DDX31: variants seen among roughly 807,000 people sequenced by gnomAD.
DDX31 encodes the protein ATP-dependent DNA helicase DDX31.
DDX31 carries 70 observed loss-of-function variants against 91.3 expected under a neutral mutation model. The observed-to-expected ratio is 0.77, with a 90% CI of 0.63 to 0.94. DDX31 has a LOEUF of 0.94. Ranked by LOEUF, DDX31 falls within the 40% of genes least tolerant of loss-of-function variation. The pLI, the probability that DDX31 is intolerant of heterozygous loss-of-function variation, is 0.00. For missense variants in DDX31, 902 were observed against 925.0 expected, an observed-to-expected ratio of 0.98 and a Z score of 0.32; for synonymous variants, 362 against 350.6, an observed-to-expected ratio of 1.03 and a Z score of -0.36.
intron 19 of DDX31, among the ~76,000 whole-genome samples, chr9:132,610,733 G>A (rs908224663): frequency 1.3e-5 from 2 of 152,196 alleles, no homozygotes; most frequent in South Asian, 2.1e-4. Flanking sequence ...CTCCCAAGGT[G>A]CTGGGATTAC....
At chr9:132,618,581 G>C in intron 17 of DDX31, 140 bp from the exon 18 acceptor site, 1 of 602,986 alleles carries the variant, frequency 1.7e-6, no homozygotes, top group Non-Finnish European at 2.7e-6. Context: ...AATATTACTA[G>C]GAAAAAAGGG....
intron 19 of DDX31, among the ~76,000 whole-genome samples, chr9:132,608,318 T>C (rs1831136387): frequency 6.6e-6 from 1 of 152,098 alleles, no homozygotes; most frequent in Non-Finnish European, 1.5e-5. Context: ...TAGGGGAAGA[T>C]ATTTACTGTT....
At chr9:132,616,940 A>T (rs1486718468) in intron 18 of DDX31, among the ~76,000 whole-genome samples, 2 of 152,012 alleles carry the variant, frequency 1.3e-5, no homozygotes, top group African/African-American at 4.8e-5. Context: ...CCATTTTTTC[A>T]TCTATATTTT....
intron 14 of DDX31, 146 bp from the exon 15 acceptor site, chr9:132,632,237 CG>C: frequency 1.0e-5 from 3 of 296,840 alleles, no homozygotes; most frequent in East Asian, 1.6e-4. Context: ...ATGCCCAGTA[CG>C]TGTACACACA....
intron 7 of DDX31, among the ~76,000 whole-genome samples, chr9:132,652,120 A>G (rs77345726): frequency 1.9e-3 from 291 of 152,318 alleles, no homozygotes; most frequent in African/African-American, 6.7e-3. Context: ...TTCAGAGCCA[A>G]CTGCTTTTGG....
At chr9:132,619,109 G>A (rs1831829330) in intron 17 of DDX31, among the ~76,000 whole-genome samples, 1 of 152,198 alleles carries the variant, frequency 6.6e-6, no homozygotes, top group Admixed American at 6.5e-5. Flanking sequence ...AGTAGCATCT[G>A]TGTGCATGCA....
At chr9:132,627,033 G>A (rs979026355) in intron 16 of DDX31, among the ~76,000 whole-genome samples, 10 of 152,150 alleles carry the variant, frequency 6.6e-5, no homozygotes, top group African/African-American at 2.4e-4. Flanking sequence ...CTGGCACCCC[G>A]AGGGAAGGTG....
chr9:132,662,014 AAC>A (rs942049710), intron 3 of DDX31, among the ~76,000 whole-genome samples: 2 of 152,166 alleles, frequency 1.3e-5, no homozygotes, highest in African/African-American at 4.8e-5. Flanking sequence ...TACTTAAAAA[AAC>A]ACACACACAA....
Position 132,648,419 on chromosome 9 carries a change from G to A in DDX31, c.860+13C>T, listed in dbSNP as rs375052346. ...TTCTCTTCTACCTGTTATCATCCTG[G>A]GACGAGGCTCACCTGTCTGCTTCAT... On this transcript the variant is annotated intron_variant, in intron 10 of 19. Transcript: ENST00000372159. 5 of 1,612,456 alleles carry A rather than the reference G, an allele frequency of 3.1e-6. No homozygotes were observed. The highest frequency in any genetic ancestry group is 4.2e-6 in the Non-Finnish European group (5 of 1,179,404).
chr9:132,647,085 C>G, intron 11 of DDX31, 27 bp from the exon 12 acceptor site: 3 of 1,608,546 alleles, frequency 1.9e-6, no homozygotes, highest in South Asian at 1.1e-5. Context: ...AAGGGCAAAG[C>G]AGACAACAAA....
intron 6 of DDX31, among the ~76,000 whole-genome samples, chr9:132,656,113 A>G (rs967106827): frequency 6.6e-6 from 1 of 152,222 alleles, no homozygotes; most frequent in Non-Finnish European, 1.5e-5. Context: ...AAAAAAAATC[A>G]GAGCCAAAAT....
At chr9:132,646,646 T>C (rs1489839852) in intron 12 of DDX31, among the ~76,000 whole-genome samples, 177 bp downstream of exon 12, 2 of 152,204 alleles carry the variant, frequency 1.3e-5, no homozygotes, top group African/African-American at 4.8e-5. Flanking sequence ...CTCTGAGTTT[T>C]TACCATAATC....
chr9:132,595,202 CTG>C lies in DDX31; in HGVS notation c.1995-92_1995-91del. On this transcript the variant is annotated intron_variant, in intron 19 of 19. Transcript: ENST00000372159. The surrounding 1 kb of genome is among the most constrained non-coding windows in gnomAD (Gnocchi z 4.6). ...AGGCTGATAGCAGCTGGTTCTGAGACTGTGAAGCTGACATTTTTGTATTAACA... is the reference window on the plus strand; with the variant it reads ...AGGCTGATAGCAGCTGGTTCTGAGACTGAAGCTGACATTTTTGTATTAACA... 1 of 1,472,574 alleles carries C rather than the reference CTG, an allele frequency of 6.8e-7. No individual in the cohort carries two copies. Among genetic ancestry groups the C allele is most frequent in the Admixed American group, 2.2e-5 (1 of 44,862 alleles). 91.2% of individuals were successfully genotyped at this position (1,472,574 alleles called of 1,614,324 possible).
intron 17 of DDX31, among the ~76,000 whole-genome samples, chr9:132,621,617 C>T (rs1441899116): frequency 1.3e-5 from 2 of 152,122 alleles, no homozygotes; most frequent in East Asian, 1.9e-4. Flanking sequence ...GAACGAAAGG[C>T]CTAGCTACTG....
intron 1 of DDX31, 189 bp downstream of exon 1, chr9:132,669,671 T>C: frequency 6.5e-7 from 1 of 1,533,120 alleles, no homozygotes; most frequent in Non-Finnish European, 8.7e-7. Flanking sequence ...TCCAGGCGCA[T>C]CCCTGCGGGT....
Position 132,594,594 on chromosome 9 carries a change from T to G in DDX31, c.*272A>C. 2.8e-6 allele frequency: 1 copy of G among 357,038 alleles called. No individual in the cohort carries two copies. Among genetic ancestry groups the G allele is most frequent in the Non-Finnish European group, 5.0e-6 (1 of 201,880 alleles). 22.1% of individuals were successfully genotyped at this position (357,038 alleles called of 1,614,324 possible). The stretch of plus-strand genomic sequence containing the variant: ...CAACCCCGGCACGTCAGCACCTGGG[T>G]GAAGGGAGTGCCGGGCACTGATGGG... On this transcript the variant is annotated 3_prime_UTR_variant, in exon 20 of 20. Coordinates refer to ENST00000372159, the MANE Select transcript of DDX31 (RefSeq NM_022779.9).
At chr9:132,650,172 T>C in intron 9 of DDX31, 62 bp downstream of exon 9, 1 of 1,524,252 alleles carries the variant, frequency 6.6e-7, no homozygotes, top group African/African-American at 1.4e-5. Flanking sequence ...GACCCAGCCT[T>C]ACTGAATAGG....
chr9:132,661,619 C>G (rs7034656), intron 3 of DDX31, among the ~76,000 whole-genome samples: 30,835 of 152,094 alleles, frequency 0.2, 3,954 homozygotes, highest in East Asian at 0.41. Flanking sequence ...GATCCACCCC[C>G]CAGGTGAGAA....
chr9:132,638,453 C>T (rs1833263440), intron 14 of DDX31: 1 of 1,558,926 alleles, frequency 6.4e-7, no homozygotes, highest in Admixed American at 1.7e-5. Flanking sequence ...GGAAAGTGGG[C>T]TTTGAACTTC....
Sources: allele counts gnomAD v4.1 joint callset (sites outside exome capture counted in the v4.1 genomes callset), GRCh38; gene constraint gnomAD v4.1.1; non-coding constraint Gnocchi (gnomAD v3.1); transcripts MANE v1.5; gene names NCBI Gene and HGNC (gene_info 2026-07-23, HGNC 2026-07-21).